XRCC2: variants seen among roughly 807,000 people sequenced by gnomAD.
The protein encoded by XRCC2 is X-ray repair cross complementing 2, also known as DNA repair protein XRCC2.
In XRCC2, 24 loss-of-function variants were observed where a neutral mutation model predicts 27.3. The observed-to-expected ratio is 0.88, with a 90% CI of 0.64 to 1.24. The LOEUF (loss-of-function observed/expected upper bound fraction) is 1.24. XRCC2 is among the 50% of genes most tolerant of loss of function. The pLI, the probability that XRCC2 is intolerant of heterozygous loss-of-function variation, is 0.00. For missense variants in XRCC2, 321 were observed against 325.8 expected, an observed-to-expected ratio of 0.99 and a Z score of 0.11; for synonymous variants, 106 against 115.4, an observed-to-expected ratio of 0.92 and a Z score of 0.52.
At chr7:152,657,234 TA>T (rs79757667) in intron 2 of XRCC2, among the ~76,000 whole-genome samples, 37 of 138,462 alleles carry the variant, frequency 2.7e-4, no homozygotes, top group East Asian at 6.4e-4. Context: ...AGACTCCATC[TA>T]AAAAAAAAAA....
Position 152,660,729 on chromosome 7 carries a change from C to T in XRCC2, c.93G>A (p.Leu31=). The change falls in exon 2 of 3, where the codon CTG becomes CTA. Residue 31 remains leucine (L), a synonymous_variant. Transcript: ENST00000359321. ...RSSLKEIEPN[L]FADEDSPVHG... is the part of the protein sequence containing the mutation. ...GCACAGGTGAATCTTCATCAGCAAACAGATTTGGTTCTATTTCTTTCAAGG... is the reference window on the plus strand; with the variant it reads ...GCACAGGTGAATCTTCATCAGCAAATAGATTTGGTTCTATTTCTTTCAAGG... 7.4e-6 allele frequency: 12 copies of T among 1,613,436 alleles called. No individual in the cohort carries two copies. The highest frequency in any genetic ancestry group is 1.0e-5 in the Non-Finnish European group (12 of 1,179,854).
intron 2 of XRCC2, 145 bp downstream of exon 2, chr7:152,660,556 T>C: frequency 1.6e-6 from 1 of 608,870 alleles, no homozygotes; most frequent in Admixed American, 3.6e-5. Context: ...TTAAAAGCTT[T>C]CTGTCACAAC....
chr7:152,652,200 C>T (rs2098028845), intron 2 of XRCC2, among the ~76,000 whole-genome samples: 1 of 151,698 alleles, frequency 6.6e-6, no homozygotes, highest in Admixed American at 6.6e-5. Flanking sequence ...AGATTCTAGG[C>T]TCAAGGAGTA....
rs1291263290 is a variant in XRCC2 at position 152,649,124 on chromosome 7, T to C, written c.361A>G (p.Ser121Gly). The C allele has an allele frequency of 6.2e-7, 1 of 1,613,820 alleles. No homozygotes were observed. The highest frequency in any genetic ancestry group is 1.3e-5 in the African/African-American group (1 of 74,920). The change falls in exon 3 of 3, where the codon AGT becomes GGT. Residue 121 changes from serine to glycine, a missense_variant. Physicochemically the swap from Ser to Gly is moderately conservative, Grantham distance 56 (BLOSUM62 0). Coordinates refer to ENST00000359321, the MANE Select transcript of XRCC2 (RefSeq NM_005431.2). ...CLGRFFLVYC[S>G]SSTHLLLTLY... is the part of the protein sequence containing the mutation. ...GTAAGAAGTAAGTGGGTGCTACTAC[T>C]GCAGTACACCAAAAAAAATCTTCCC...
At chr7:152,670,911 T>A (rs1422448862) in intron 1 of XRCC2, among the ~76,000 whole-genome samples, 2 of 152,174 alleles carry the variant, frequency 1.3e-5, no homozygotes, top group South Asian at 2.1e-4. Context: ...TTTTTAAACA[T>A]CATTTAGAAA....
At chr7:152,665,754 T>A (rs1483736336) in intron 1 of XRCC2, among the ~76,000 whole-genome samples, 2 of 151,906 alleles carry the variant, frequency 1.3e-5, no homozygotes, top group Admixed American at 6.6e-5. Context: ...AGTGCTGGAA[T>A]TACAGGTGTG....
At position 152,645,328 on chromosome 7, in the gene XRCC2, G is replaced by C. The variant is rs1214682639; in HGVS notation, c.*3314C>G. ...ACACTATGTTGCCCAGGCTGGTCTT[G>C]AACTCCTAGGACTCAAGCAATCCTC... On this transcript the variant is annotated 3_prime_UTR_variant, in exon 3 of 3. Transcript: ENST00000359321. 6.6e-6 allele frequency: 1 copy of C among 151,872 alleles called. No homozygotes were observed. Among genetic ancestry groups the C allele is most frequent in the Non-Finnish European group, 1.5e-5 (1 of 67,974 alleles). The allele number at this position is 151,872 out of a possible 1,614,324, so 9.4% of individuals were successfully genotyped here.
chr7:152,652,073 G>T (rs1049096066), intron 2 of XRCC2, among the ~76,000 whole-genome samples: 5 of 151,740 alleles, frequency 3.3e-5, no homozygotes, highest in Non-Finnish European at 5.9e-5. Context: ...GCTACTCAGG[G>T]TGAAGTGGGA....
intron 2 of XRCC2, among the ~76,000 whole-genome samples, chr7:152,655,418 A>G (rs1274304591): frequency 3.3e-5 from 5 of 152,214 alleles, no homozygotes; most frequent in African/African-American, 1.2e-4. Flanking sequence ...CATTAAAAAT[A>G]TGTTTACAGG....
intron 2 of XRCC2, among the ~76,000 whole-genome samples, chr7:152,654,945 T>C (rs1214916287): frequency 6.6e-6 from 1 of 152,210 alleles, no homozygotes; most frequent in Non-Finnish European, 1.5e-5. Flanking sequence ...ACATTTACTG[T>C]TTGATCCTCA....
intron 1 of XRCC2, among the ~76,000 whole-genome samples, chr7:152,675,670 T>C (rs1412606133): frequency 6.6e-6 from 1 of 152,232 alleles, no homozygotes; most frequent in African/African-American, 2.4e-5. Context: ...TTCTAGCTTT[T>C]CTTGCATAGC....
intron 2 of XRCC2, among the ~76,000 whole-genome samples, chr7:152,659,655 T>TTATTCCCAGAATATGGGAATTGGAACCA (rs3218479): frequency 0.1 from 15,422 of 151,864 alleles, 1,170 homozygotes; most frequent in Admixed American, 0.21. Flanking sequence ...ACAATAACAA[T>TTATTCCCAGAATATGGGAATTGGAACCA]TATTCCCAGA....
At chr7:152,654,623 T>C (rs1318020985) in intron 2 of XRCC2, among the ~76,000 whole-genome samples, 1 of 152,188 alleles carries the variant, frequency 6.6e-6, no homozygotes, top group Non-Finnish European at 1.5e-5. Flanking sequence ...CTTTTAAAAC[T>C]GAGATACTCA....
chr7:152,667,807 C>T (rs954681586), intron 1 of XRCC2, among the ~76,000 whole-genome samples: 2 of 152,040 alleles, frequency 1.3e-5, no homozygotes, highest in African/African-American at 4.8e-5. Context: ...AGGTGGATCA[C>T]CTGAGGTCAG....
At chr7:152,675,845 C>G (rs2098040784) in intron 1 of XRCC2, among the ~76,000 whole-genome samples, 196 bp downstream of exon 1, 2 of 152,094 alleles carry the variant, frequency 1.3e-5, no homozygotes, top group African/African-American at 4.8e-5. Flanking sequence ...CCAGGCTGCC[C>G]AGGGGCGGAC....
rs1261234942 is a variant in XRCC2 at position 152,646,161 on chromosome 7, G to A, written c.*2481C>T. On this transcript the variant is annotated 3_prime_UTR_variant, in exon 3 of 3. Coordinates refer to ENST00000359321, the MANE Select transcript of XRCC2 (RefSeq NM_005431.2). Reference sequence around the variant, plus strand: ...TCCTTGAGTGGTTAAGAAATCAAAAGGTGCAGACCCTTTATCAATGTCTAA... The same window carrying A: ...TCCTTGAGTGGTTAAGAAATCAAAAAGTGCAGACCCTTTATCAATGTCTAA... 1.3e-5 allele frequency: 2 copies of A among 152,144 alleles called. No homozygotes were observed. Among genetic ancestry groups the A allele is most frequent in the Admixed American group, 6.6e-5 (1 of 15,260 alleles). 9.4% of individuals were successfully genotyped at this position (152,144 alleles called of 1,614,324 possible). A position where few individuals can be genotyped will look rare whatever the true frequency, so the allele number is the denominator to read the frequency against.
At chr7:152,650,149 G>A (rs2098027907) in intron 2 of XRCC2, among the ~76,000 whole-genome samples, 1 of 152,292 alleles carries the variant, frequency 6.6e-6, no homozygotes, top group Non-Finnish European at 1.5e-5. Context: ...TTGATGTTAT[G>A]GGGGGAACAA....
At chr7:152,654,440 C>A (rs893295275) in intron 2 of XRCC2, among the ~76,000 whole-genome samples, 5 of 151,874 alleles carry the variant, frequency 3.3e-5, no homozygotes, top group Non-Finnish European at 7.4e-5. Context: ...CATTACAGGG[C>A]AAAAGAGAAT....
intron 1 of XRCC2, among the ~76,000 whole-genome samples, chr7:152,672,702 T>C (rs1425544866): frequency 6.6e-6 from 1 of 152,162 alleles, no homozygotes; most frequent in Non-Finnish European, 1.5e-5. Context: ...GTAATGATAA[T>C]GGGAGTGGAG....
Sources: allele counts gnomAD v4.1 joint callset (sites outside exome capture counted in the v4.1 genomes callset), GRCh38; gene constraint gnomAD v4.1.1; transcripts MANE v1.5; gene names NCBI Gene and HGNC (gene_info 2026-07-23, HGNC 2026-07-21).